Variants in PECR observed in about 807,000 individuals in gnomAD.
The protein encoded by PECR is peroxisomal trans-2-enoyl-CoA reductase.
PECR carries 30 observed loss-of-function variants against 35.3 expected under a neutral mutation model. The observed-to-expected ratio is 0.85, with a 90% CI of 0.64 to 1.15. The LOEUF (loss-of-function observed/expected upper bound fraction) is 1.15. Ranked by LOEUF, PECR falls within the 50% of genes most tolerant of loss-of-function variation. PECR has a pLI of 0.00. For synonymous variants in PECR, 148 were observed against 138.9 expected (o/e 1.07, Z -0.46); for missense variants, 392 against 370.8 (o/e 1.06, Z -0.47).
chr2:216,038,578 A>T lies in PECR; in HGVS notation c.*697T>A, dbSNP rs1468681322. On this transcript the variant is annotated 3_prime_UTR_variant, in exon 8 of 8. Transcript: ENST00000265322. ...ACGACACAATTTAGGTTTATTTTCT[A>T]CCTTTATAATTTTGTTGTTGTTGTT... The T allele has an allele frequency of 1.3e-5, 2 of 152,062 alleles. No individual in the cohort carries two copies. The highest frequency in any genetic ancestry group is 2.9e-5 in the Non-Finnish European group (2 of 68,024). The allele number at this position is 152,062 out of a possible 1,614,324, so 9.4% of individuals were successfully genotyped here.
rs1491254196 is a variant in PECR at position 216,031,698 on chromosome 2, A to AG, written c.*440+7492_*440+7493insC. Among the ~76,000 whole-genome samples the AG allele has an allele frequency of 6.2e-3, 806 of 129,034 alleles. 3 individuals carry two copies. The highest frequency in any genetic ancestry group is 0.015 in the African/African-American group (547 of 35,502). 84.7% of individuals were successfully genotyped at this position (129,034 alleles called of 152,430 possible). A position where few individuals can be genotyped will look rare whatever the true frequency, so the allele number is the denominator to read the frequency against. On this transcript the variant is annotated intron_variant and NMD_transcript_variant, in intron 7 of 7. Transcript: ENST00000442122. ...AAGAAAGAAAGAAAGAAAGAGAAAGAAAGAAAGAAAGAAAGGGAAATGAAA... is the reference window on the plus strand; with the variant it reads ...AAGAAAGAAAGAAAGAAAGAGAAAGAGAAGAAAGAAAGAAAGGGAAATGAAA...
chr2:216,069,946 AAAAAAAG>A (rs1695554655), intron 1 of PECR, among the ~76,000 whole-genome samples: 3 of 152,052 alleles, frequency 2.0e-5, no homozygotes, highest in African/African-American at 7.2e-5. Flanking sequence ...AAAAAAAAAA[AAAAAAAG>A]AAACTTTTGG....
At chr2:216,051,004 G>A (rs905374847) in intron 5 of PECR, 2 of 163,200 alleles carry the variant, frequency 1.2e-5, no homozygotes, top group African/African-American at 4.8e-5. Flanking sequence ...AGACCTTCTG[G>A]GCCGGGTGCG....
chr2:216,073,961 CAGTT>C (rs905072022), intron 1 of PECR, among the ~76,000 whole-genome samples: 26 of 152,320 alleles, frequency 1.7e-4, no homozygotes, highest in African/African-American at 5.5e-4. Flanking sequence ...ATCCAACACT[CAGTT>C]AGGTTTCTGT....
At chr2:216,055,985 G>C (rs181843164) in intron 4 of PECR, among the ~76,000 whole-genome samples, 144 of 152,220 alleles carry the variant, frequency 9.5e-4, no homozygotes, top group Non-Finnish European at 1.2e-3. Context: ...TCACCTTTGA[G>C]ACATGTCGCC....
chr2:216,050,379 T>G (rs1331239354), intron 5 of PECR, among the ~76,000 whole-genome samples: 2 of 152,226 alleles, frequency 1.3e-5, no homozygotes, highest in African/African-American at 4.8e-5. Flanking sequence ...ACTGGAGAGA[T>G]ATATTGGTTT....
intron 1 of PECR, among the ~76,000 whole-genome samples, chr2:216,067,563 CTTTTT>C (rs202088759): frequency 1.4e-5 from 2 of 143,848 alleles, no homozygotes; most frequent in African/African-American, 2.6e-5. Context: ...TTTTCTTTTT[CTTTTT>C]TTTTTTTGAG....
At chr2:216,046,323 T>TTTTGTTTTG (rs1559209261) in intron 6 of PECR, among the ~76,000 whole-genome samples, 8 of 140,194 alleles carry the variant, frequency 5.7e-5, no homozygotes, top group Middle Eastern at 3.7e-3. Flanking sequence ...TTTTTTTTTT[T>TTTTGTTTTG]TTTTTTTGAG....
At chr2:216,034,893 T>C (rs1694769092), downstream of PECR, among the ~76,000 whole-genome samples, 1 of 152,124 alleles carries the variant, frequency 6.6e-6, no homozygotes. Flanking sequence ...AGCCCAGAAC[T>C]GGTGTGACAG....
intron 1 of PECR, among the ~76,000 whole-genome samples, chr2:216,073,691 G>A (rs1695630061): frequency 6.6e-6 from 1 of 151,468 alleles, no homozygotes; most frequent in Non-Finnish European, 1.5e-5. Context: ...TCTTTTGTAT[G>A]TTTAGATATG....
chr2:216,042,990 T>TACGTATATGTGTATATATATAC (rs1694917064), intron 7 of PECR, among the ~76,000 whole-genome samples: 2 of 120,748 alleles, frequency 1.7e-5, no homozygotes, highest in African/African-American at 3.2e-5. Context: ...TATATATATA[T>TACGTATATGTGTATATATATAC]ACATACGTAT....
At chr2:216,050,764 G>A (rs1207189975) in intron 5 of PECR, 1 of 152,304 alleles carries the variant, frequency 6.6e-6, no homozygotes, top group African/African-American at 2.4e-5. Flanking sequence ...AGCCAGGGGT[G>A]GTGGCAGGTG....
Position 216,043,917 on chromosome 2 carries a change from CGAGT to C in PECR, c.809_812del (p.His270ArgfsTer23). 6.3e-7 allele frequency: 1 copy of C among 1,581,174 alleles called. No individual in the cohort carries two copies. The highest frequency in any genetic ancestry group is 8.7e-7 in the Non-Finnish European group (1 of 1,149,734). On this transcript the variant is annotated frameshift_variant, in exon 7 of 8. Transcript: ENST00000265322. LOFTEE classifies it low-confidence loss of function (END_TRUNC). ...TCAGCTGCTCACCTGGTACCTCATA[CGAGT>C]GAGTATAGAGACTCCGGCCCCCATC...
rs755000274 is a variant in PECR, at chr2:216,039,297, A to G, written c.890T>C (p.Phe297Ser). 1 of 1,604,008 alleles carries G rather than the reference A, an allele frequency of 6.2e-7. No individual in the cohort carries two copies. The highest frequency in any genetic ancestry group is 8.5e-7 in the Non-Finnish European group (1 of 1,170,912). Reference sequence around the variant, plus strand: ...AGCTCAGAGCTTAGCTTTCTCCTTAAAGGTCTCCTTCATCTTTTTGACAAC... The same window carrying G: ...AGCTCAGAGCTTAGCTTTCTCCTTAGAGGTCTCCTTCATCTTTTTGACAAC... ...LSVVKKMKET[F>S]KEKAKL Residue 297 changes from phenylalanine (F) to serine (S), a missense_variant, in exon 8 of 8, where the codon TTT becomes TCT. Transcript: ENST00000265322.
At chr2:216,032,520 G>C (rs914949880) in intron 7 of PECR, among the ~76,000 whole-genome samples, 2 of 152,196 alleles carry the variant, frequency 1.3e-5, no homozygotes, top group African/African-American at 2.4e-5. Flanking sequence ...CTGACCAGGG[G>C]TACAGGGGTC....
chr2:216,054,709 A>G (rs1186496294), intron 4 of PECR, among the ~76,000 whole-genome samples: 2 of 152,232 alleles, frequency 1.3e-5, no homozygotes, highest in African/African-American at 4.8e-5. Flanking sequence ...AATATGAGTC[A>G]AATATGTCAA....
intron 1 of PECR, among the ~76,000 whole-genome samples, chr2:216,076,246 G>A (rs1695694632): frequency 6.6e-6 from 1 of 152,136 alleles, no homozygotes; most frequent in Non-Finnish European, 1.5e-5. Flanking sequence ...AGGCCAGATT[G>A]CAGTGGCGTG....
chr2:216,078,402 G>A (rs1244962879), intron 1 of PECR, among the ~76,000 whole-genome samples: 4 of 151,972 alleles, frequency 2.6e-5, no homozygotes, highest in Non-Finnish European at 4.4e-5. Context: ...GGAGGTCAAG[G>A]GGGATGGATC....
intron 3 of PECR, among the ~76,000 whole-genome samples, chr2:216,062,305 C>G (rs921116352): frequency 6.6e-5 from 10 of 152,080 alleles, no homozygotes; most frequent in African/African-American, 2.4e-4. Context: ...CTCGGCCTTC[C>G]AAAGTGCTGA....
Sources: allele counts gnomAD v4.1 joint callset (sites outside exome capture counted in the v4.1 genomes callset), GRCh38; gene constraint gnomAD v4.1.1; transcripts MANE v1.5; gene names NCBI Gene and HGNC (gene_info 2026-07-23, HGNC 2026-07-21).